The following ITGA9 variants were observed in gnomAD, a reference collection of about 807,000 sequenced individuals.
ITGA9 encodes the protein integrin alpha-9.
In ITGA9, 56 loss-of-function variants were observed where a neutral mutation model predicts 127.8. The observed-to-expected ratio is 0.44, with a 90% CI of 0.35 to 0.55. The LOEUF (loss-of-function observed/expected upper bound fraction) is 0.55. Ranked by LOEUF, ITGA9 falls within the 20% of genes least tolerant of loss-of-function variation. ITGA9 has a pLI of 0.00. For synonymous variants in ITGA9, 508 were observed against 514.5 expected (o/e 0.99, Z 0.17); for missense variants, 1,196 against 1,347.1 (o/e 0.89, Z 1.76).
intron 23 of ITGA9, among the ~76,000 whole-genome samples, chr3:37,762,501 A>G (rs952989261): frequency 4.6e-5 from 7 of 152,248 alleles, no homozygotes; most frequent in African/African-American, 1.7e-4. Flanking sequence ...CTTCCAGGTC[A>G]TAACTCCTAG....
At chr3:37,535,430 G>A (rs1273227182) in intron 14 of ITGA9, among the ~76,000 whole-genome samples, 1 of 152,244 alleles carries the variant, frequency 6.6e-6, no homozygotes, top group Non-Finnish European at 1.5e-5. Context: ...TCCTCATGCT[G>A]TTCCCGACCA....
At chr3:37,793,389 AACACACACACAC>A (rs10575371) in intron 26 of ITGA9, among the ~76,000 whole-genome samples, 201 of 134,562 alleles carry the variant, frequency 1.5e-3, no homozygotes, top group Admixed American at 4.0e-3. Flanking sequence ...CAAACAGGTC[AACACACACACAC>A]ACACACACAC....
At chr3:37,694,903 T>C (rs1343664065) in intron 18 of ITGA9, among the ~76,000 whole-genome samples, 4 of 152,208 alleles carry the variant, frequency 2.6e-5, no homozygotes, top group African/African-American at 4.8e-5. Flanking sequence ...TGGGTTTCCC[T>C]GAGCAGATCC....
intron 23 of ITGA9, among the ~76,000 whole-genome samples, chr3:37,762,396 A>G (rs1348563832): frequency 1.3e-5 from 2 of 152,226 alleles, no homozygotes; most frequent in Non-Finnish European, 1.5e-5. Context: ...GGCTCAGAGC[A>G]TGACCACAAC....
chr3:37,563,497 G>A (rs937886696), intron 15 of ITGA9, among the ~76,000 whole-genome samples: 7 of 152,202 alleles, frequency 4.6e-5, no homozygotes, highest in African/African-American at 1.7e-4. Context: ...AAAGGTGTCC[G>A]TGGGTGGATA....
chr3:37,513,898 A>G lies in ITGA9; in HGVS notation c.1033A>G (p.Asn345Asp). 1 of 1,613,198 alleles carries G rather than the reference A, an allele frequency of 6.2e-7. No individual in the cohort carries two copies. The highest frequency in any genetic ancestry group is 1.3e-5 in the African/African-American group (1 of 75,012). ...GGTCACTGTCTACATCAACAGAGGA[A>G]ATGTGAGTACAATACTGGGCAATGT... ...GQVTVYINRG[N>D]GALEEQLALT... The change falls in exon 9 of 28, where the codon AAT (asparagine) becomes GAT (aspartate). Residue 345 changes from asparagine (N) to aspartate (D), a missense_variant and splice_region_variant. Transcript: ENST00000264741.
At chr3:37,576,258 A>C (rs887150491) in intron 15 of ITGA9, among the ~76,000 whole-genome samples, 2 of 152,224 alleles carry the variant, frequency 1.3e-5, no homozygotes, top group Non-Finnish European at 2.9e-5. Context: ...TGAGAGGAGA[A>C]AAGGATGAAT....
intron 18 of ITGA9, among the ~76,000 whole-genome samples, chr3:37,730,046 G>A (rs566868458): frequency 6.6e-6 from 1 of 152,274 alleles, no homozygotes; most frequent in African/African-American, 2.4e-5. Flanking sequence ...TAAAATTAAA[G>A]CTTCTCTCCT....
At position 37,799,203 on chromosome 3, in the gene ITGA9, G is replaced by C. The variant is rs1450763618; in HGVS notation, c.2890-4620G>C. On this transcript the variant is annotated intron_variant, in intron 26 of 27. Coordinates refer to ENST00000264741, the MANE Select transcript of ITGA9 (RefSeq NM_002207.3). The surrounding 1 kb of genome is among the most constrained non-coding windows in gnomAD (Gnocchi z 4.0). ...TTTAATTTTTTATTTTTTTAAGACA[G>C]AGTCTTGCTCTTTCACCCAGGCTGG... Among the ~76,000 whole-genome samples, 1 of 151,976 alleles carries C rather than the reference G, an allele frequency of 6.6e-6. No individual in the cohort carries two copies. The highest frequency in any genetic ancestry group is 1.5e-5 in the Non-Finnish European group (1 of 68,002).
chr3:37,776,767 A>G (rs1295409442), intron 23 of ITGA9, among the ~76,000 whole-genome samples: 1 of 152,230 alleles, frequency 6.6e-6, no homozygotes, highest in Non-Finnish European at 1.5e-5. Context: ...GCAAGCATGC[A>G]GGTCCCCGTC....
At chr3:37,615,510 T>C (rs1426931174) in intron 15 of ITGA9, among the ~76,000 whole-genome samples, 1 of 152,202 alleles carries the variant, frequency 6.6e-6, no homozygotes, top group Non-Finnish European at 1.5e-5. Flanking sequence ...TCCCTCTTTT[T>C]CTGTTGATTG....
chr3:37,780,842 AGTT>A (rs1186467041), intron 25 of ITGA9, among the ~76,000 whole-genome samples: 6 of 152,166 alleles, frequency 3.9e-5, no homozygotes, highest in East Asian at 3.9e-4. Context: ...CTGTTGTTGT[AGTT>A]GTTGTTGTTG....
At chr3:37,793,740 G>T (rs1046118439) in intron 26 of ITGA9, among the ~76,000 whole-genome samples, 3 of 152,176 alleles carry the variant, frequency 2.0e-5, no homozygotes, top group Admixed American at 2.0e-4. Context: ...GCAAGGGTGA[G>T]ATTTCAGGGA....
At chr3:37,791,871 T>A (rs1225044006) in intron 26 of ITGA9, among the ~76,000 whole-genome samples, 1 of 152,250 alleles carries the variant, frequency 6.6e-6, no homozygotes, top group Admixed American at 6.5e-5. Flanking sequence ...TCCTTTGGTG[T>A]ACTGCTTCTA....
chr3:37,795,007 C>T (rs1377810357), intron 26 of ITGA9, among the ~76,000 whole-genome samples: 1 of 152,226 alleles, frequency 6.6e-6, no homozygotes, highest in Non-Finnish European at 1.5e-5. Flanking sequence ...TGTCTCCCTC[C>T]TCCCTCCCCC....
intron 18 of ITGA9, among the ~76,000 whole-genome samples, chr3:37,702,105 C>A (rs1328931562): frequency 6.6e-6 from 1 of 152,136 alleles, no homozygotes; most frequent in Non-Finnish European, 1.5e-5. Context: ...CATGCATGAG[C>A]CACTTAGAAG....
intron 18 of ITGA9, among the ~76,000 whole-genome samples, chr3:37,691,790 G>C (rs1436491222): frequency 6.6e-6 from 1 of 152,154 alleles, no homozygotes; most frequent in Non-Finnish European, 1.5e-5. Flanking sequence ...TCAAGTGTCC[G>C]AGTGTCTGGG....
At chr3:37,468,467 G>A (rs1200797035) in intron 1 of ITGA9, among the ~76,000 whole-genome samples, 2 of 152,172 alleles carry the variant, frequency 1.3e-5, no homozygotes, top group Non-Finnish European at 2.9e-5. Flanking sequence ...GGTTAGTGAC[G>A]ATGTCCTTTG....
chr3:37,747,409 C>G (rs1332662121), intron 22 of ITGA9, among the ~76,000 whole-genome samples: 1 of 152,172 alleles, frequency 6.6e-6, no homozygotes, highest in Non-Finnish European at 1.5e-5. Flanking sequence ...CAATTATACT[C>G]TTTTAGTTAC....
Sources: gnomAD v4.1 joint callset for allele counts (sites outside exome capture counted in the v4.1 genomes callset) on GRCh38, gnomAD v4.1.1 for gene constraint, Gnocchi (gnomAD v3.1) non-coding constraint, MANE v1.5 for transcripts, NCBI Gene and HGNC (gene_info 2026-07-23, HGNC 2026-07-21) for gene names.